MGST2: variants seen among roughly 807,000 people sequenced by gnomAD.
The protein encoded by MGST2 is glutathione peroxidase MGST2.
A neutral mutation model predicts 16.6 loss-of-function variants in MGST2; 9 were observed. The observed-to-expected ratio is 0.54, with a 90% confidence interval of 0.33 to 0.95. The LOEUF (loss-of-function observed/expected upper bound fraction) is 0.95, where lower values mean the gene tolerates loss of function less well. Ranked by LOEUF, MGST2 falls within the 40% of genes least tolerant of loss-of-function variation. The probability of loss-of-function intolerance (pLI) is 0.03; values close to 1 mark genes in which losing one functional copy is unlikely to be tolerated. For synonymous variants in MGST2, 79 were observed against 68.0 expected (o/e 1.16, Z -0.79); for missense variants, 159 against 175.1 (o/e 0.91, Z 0.52).
intron 2 of MGST2, among the ~76,000 whole-genome samples, chr4:139,693,452 A>G (rs1726736063): frequency 6.6e-6 from 1 of 151,902 alleles, no homozygotes; most frequent in South Asian, 2.1e-4. Flanking sequence ...TGGAAGGACT[A>G]GAGCCTTCCT....
chr4:139,738,849 G>A (rs1442125076), intron 5 of MGST2, among the ~76,000 whole-genome samples: 1 of 152,150 alleles, frequency 6.6e-6, no homozygotes, highest in African/African-American at 2.4e-5. Context: ...TTTTATCCCA[G>A]ATGCAATAAC....
intron 5 of MGST2, chr4:139,725,742 T>C (rs1728444029): frequency 1.9e-6 from 3 of 1,613,738 alleles, no homozygotes; most frequent in Non-Finnish European, 2.5e-6. Flanking sequence ...GAGGTTGCAC[T>C]GGCCTCACCT....
chr4:139,719,730 G>C (rs1728152471), intron 5 of MGST2: 4 of 1,613,632 alleles, frequency 2.5e-6, no homozygotes, highest in African/African-American at 1.3e-5. Flanking sequence ...CTCAGTCCCT[G>C]TGGGAAGTGC....
At chr4:139,733,557 GAAA>G (rs3051189) in intron 5 of MGST2, among the ~76,000 whole-genome samples, 62 of 126,206 alleles carry the variant, frequency 4.9e-4, no homozygotes, top group East Asian at 8.8e-4. Context: ...AGCACAGTGT[GAAA>G]AAAAAAAAAA....
intron 1 of MGST2, among the ~76,000 whole-genome samples, chr4:139,668,722 C>T (rs1469592267): frequency 6.6e-6 from 1 of 151,894 alleles, no homozygotes; most frequent in African/African-American, 2.4e-5. Context: ...ATGCCAGAGC[C>T]CGCCATTGCT....
intron 5 of MGST2, among the ~76,000 whole-genome samples, chr4:139,710,356 A>G (rs1375188234): frequency 6.6e-6 from 1 of 152,210 alleles, no homozygotes; most frequent in African/African-American, 2.4e-5. Flanking sequence ...TACTTACTGC[A>G]CTAGGATTTT....
chr4:139,702,119 G>A (rs1226899578), intron 3 of MGST2, among the ~76,000 whole-genome samples: 1 of 152,158 alleles, frequency 6.6e-6, no homozygotes, highest in African/African-American at 2.4e-5. Flanking sequence ...CCCTAACATA[G>A]GGAAGACATT....
the MGST2 span, among the ~76,000 whole-genome samples, chr4:139,753,710 G>C: frequency 6.6e-6 from 1 of 152,186 alleles, no homozygotes; most frequent in South Asian, 2.1e-4. Flanking sequence ...AAGTCAAATA[G>C]ATGTTAAACT....
At chr4:139,692,429 C>G (rs1386996037) in intron 2 of MGST2, among the ~76,000 whole-genome samples, 6 of 152,222 alleles carry the variant, frequency 3.9e-5, no homozygotes, top group Non-Finnish European at 5.9e-5. Flanking sequence ...AGGGGCTATG[C>G]CACTGTCCTG....
the MGST2 span, among the ~76,000 whole-genome samples, chr4:139,750,067 G>A: frequency 6.6e-6 from 1 of 152,124 alleles, no homozygotes; most frequent in Admixed American, 6.5e-5. Context: ...AAACACAGCC[G>A]TGAAACACAC....
At chr4:139,732,352 G>A (rs1367019005) in intron 5 of MGST2, among the ~76,000 whole-genome samples, 1 of 152,104 alleles carries the variant, frequency 6.6e-6, no homozygotes, top group East Asian at 1.9e-4. Context: ...GTAGAACCAT[G>A]CAGGCTTCCC....
chr4:139,739,584 C>G (rs972037389), intron 5 of MGST2, among the ~76,000 whole-genome samples: 2 of 151,638 alleles, frequency 1.3e-5, no homozygotes, highest in African/African-American at 4.8e-5. Context: ...ACCATGAATA[C>G]TAGGCAGCCA....
chr4:139,713,825 A>G (rs559563224), intron 5 of MGST2, among the ~76,000 whole-genome samples: 2 of 152,230 alleles, frequency 1.3e-5, no homozygotes, highest in African/African-American at 4.8e-5. Context: ...GAAACCAGAA[A>G]TGGTAGGCGG....
intron 5 of MGST2, chr4:139,730,568 G>A (rs1323898223): frequency 1.9e-6 from 3 of 1,600,512 alleles, no homozygotes; most frequent in South Asian, 1.1e-5. Flanking sequence ...AGGAAGCCGG[G>A]GCCTGCGGGA....
At chr4:139,703,430 C>T (rs1727380755) in intron 3 of MGST2, 25 bp from the exon 4 acceptor site, 2 of 1,577,870 alleles carry the variant, frequency 1.3e-6, no homozygotes, top group Non-Finnish European at 1.7e-6. Context: ...TGTGCCTTTT[C>T]TTTTTTTTTC....
intron 5 of MGST2, chr4:139,718,156 G>C (rs1728067218): frequency 6.6e-6 from 1 of 151,946 alleles, no homozygotes; most frequent in Admixed American, 6.6e-5. Context: ...CCTTCCTGGG[G>C]ATATCAGAAA....
chr4:139,732,534 A>G (rs1387474189), intron 5 of MGST2, among the ~76,000 whole-genome samples: 2 of 152,246 alleles, frequency 1.3e-5, no homozygotes, highest in Admixed American at 1.3e-4. Context: ...AGGTCACACA[A>G]TCAATGAATG....
At chr4:139,711,596 C>T (rs768584548) in intron 5 of MGST2, among the ~76,000 whole-genome samples, 4 of 152,122 alleles carry the variant, frequency 2.6e-5, no homozygotes, top group Non-Finnish European at 5.9e-5. Flanking sequence ...TCACTCTCGT[C>T]GCCATTTTGG....
chr4:139,725,685 G>A (rs1459327869), intron 5 of MGST2: 4 of 1,474,610 alleles, frequency 2.7e-6, no homozygotes, highest in East Asian at 2.3e-5. Flanking sequence ...CAATGCCTCT[G>A]GCTACACATT....
Sources: gnomAD v4.1 joint callset for allele counts (sites outside exome capture counted in the v4.1 genomes callset) on GRCh38, gnomAD v4.1.1 for gene constraint, MANE v1.5 for transcripts, NCBI Gene and HGNC (gene_info 2026-07-23, HGNC 2026-07-21) for gene names.